FOXB2: variants seen among roughly 807,000 people sequenced by gnomAD.
The protein encoded by FOXB2 is forkhead box protein B2.
FOXB2 carries 1 observed loss-of-function variant against 0.9 expected under a neutral mutation model. That is an observed-to-expected ratio of 1.09 (90% CI 0.39 to 5.18). The LOEUF is 5.18. Ranked by LOEUF, FOXB2 falls within the 30% of genes most tolerant of loss-of-function variation. The probability of loss-of-function intolerance (pLI) is 0.16; values close to 1 mark genes in which losing one functional copy is unlikely to be tolerated. For synonymous variants in FOXB2, 322 were observed against 293.5 expected, an observed-to-expected ratio of 1.10 and a Z score of -0.99; for missense variants, 670 against 626.6, an observed-to-expected ratio of 1.07 and a Z score of -0.74.
Position 77,020,306 on chromosome 9 carries a change from C to A in FOXB2, c.652C>A (p.Gln218Lys). The stretch of plus-strand genomic sequence containing the variant: ...GCAGCCGTCTCACCCCGGCAAGATG[C>A]AGGAGGCGGCGGCCGTGGCGGCGGC... The part of the protein sequence containing the change: ...PQQPSHPGKM[Q>K]EAAAVAAAAA... The change falls in exon 1 of 1, where the codon CAG (glutamine) becomes AAG (lysine). Residue 218 changes from glutamine (Q) to lysine (K), a missense_variant. Gln to Lys is a moderately conservative substitution (Grantham distance 53). Coordinates refer to ENST00000376708, the MANE Select transcript of FOXB2 (RefSeq NM_001013735.1). The surrounding 1 kb of genome is among the most constrained non-coding windows in gnomAD (Gnocchi z 4.9). 2 of 1,282,898 alleles carry A rather than the reference C, an allele frequency of 1.6e-6. No individual in the cohort carries two copies. Among genetic ancestry groups the A allele is most frequent in the South Asian group, 2.3e-5 (1 of 44,374 alleles). 79.5% of individuals were successfully genotyped at this position (1,282,898 alleles called of 1,614,324 possible). A position where few individuals can be genotyped will look rare whatever the true frequency, so the allele number is the denominator to read the frequency against.
In FOXB2 at chr9:77,020,407, G is replaced by A. The variant is rs2063912304; in HGVS notation, c.753G>A (p.Ser251=). The A allele has an allele frequency of 5.7e-6, 9 of 1,584,280 alleles. No individual in the cohort carries two copies. The highest frequency in any genetic ancestry group is 1.7e-4 in the Middle Eastern group (1 of 5,868). Residue 251 remains serine (S), a synonymous_variant, in exon 1 of 1, where the codon TCG becomes TCA. Transcript: ENST00000376708. This position sits in a 1 kb window ranked among gnomAD's most constrained non-coding sequence, Gnocchi z 4.9. ...LSQFPPYGLG[S]AAAAAAAAAA... ...AGTTCCCACCCTACGGGCTGGGCTCGGCCGCCGCCGCTGCCGCCGCGGCCG... is the reference window on the plus strand; with the variant it reads ...AGTTCCCACCCTACGGGCTGGGCTCAGCCGCCGCCGCTGCCGCCGCGGCCG...
chr9:77,020,575 C>G lies in FOXB2; in HGVS notation c.921C>G (p.Gly307=). The G allele has an allele frequency of 6.2e-7, 1 of 1,610,092 alleles. No homozygotes were observed. Among genetic ancestry groups the G allele is most frequent in the Non-Finnish European group, 8.5e-7 (1 of 1,179,210 alleles). Residue 307 remains glycine, a synonymous_variant, in exon 1 of 1, where the codon GGC becomes GGG. Transcript: ENST00000376708. This position sits in a 1 kb window ranked among gnomAD's most constrained non-coding sequence, Gnocchi z 4.9. ...HLGYPVPGQL[G]NVVSSVWPHV... ...GCTACCCCGTGCCCGGCCAGCTTGG[C>G]AACGTCGTCAGCTCCGTGTGGCCGC...
In FOXB2 at chr9:77,020,224, G is replaced by A; in HGVS notation, c.570G>A (p.Pro190=). The A allele has an allele frequency of 1.7e-6, 2 of 1,186,588 alleles. No homozygotes were observed. The highest frequency in any genetic ancestry group is 2.5e-6 in the Non-Finnish European group (2 of 804,336). The allele number at this position is 1,186,588 out of a possible 1,614,324, so 73.5% of individuals were successfully genotyped here. ...AGCAACCGCCTACTGCTCCGCAGCC[G>A]CCTCCGCACCTCCCGTCACAGCCCC... The part of the protein sequence containing the change: ...FHQQPPTAPQ[P]PPHLPSQPPQ... Residue 190 remains proline (P), a synonymous_variant, in exon 1 of 1, where the codon CCG becomes CCA. Transcript: ENST00000376708. This position sits in a 1 kb window ranked among gnomAD's most constrained non-coding sequence, Gnocchi z 4.9.
Position 77,019,882 on chromosome 9 carries a change from G to T in FOXB2, c.228G>T (p.Arg76=), listed in dbSNP as rs2063908679. The T allele has an allele frequency of 6.2e-7, 1 of 1,613,806 alleles. No homozygotes were observed. Residue 76 remains arginine (R), a synonymous_variant, in exon 1 of 1, where the codon CGG becomes CGT. Transcript: ENST00000376708. The surrounding 1 kb of genome is among the most constrained non-coding windows in gnomAD (Gnocchi z 4.4). ...SFNDCFIKIP[R]RPDQPGKGSF... Reference sequence around the variant, plus strand: ...ACGACTGCTTCATCAAGATTCCGCGGAGGCCCGACCAGCCTGGCAAGGGTA... The same window carrying T: ...ACGACTGCTTCATCAAGATTCCGCGTAGGCCCGACCAGCCTGGCAAGGGTA...
chr9:77,019,672 G>T lies in FOXB2; in HGVS notation c.18G>T (p.Lys6Asn). 1 of 1,586,282 alleles carries T rather than the reference G, an allele frequency of 6.3e-7. No individual in the cohort carries two copies. Among genetic ancestry groups the T allele is most frequent in the South Asian group, 1.1e-5 (1 of 87,760 alleles). Residue 6 changes from lysine (K) to asparagine (N), a missense_variant, in exon 1 of 1, where the codon AAG (lysine) becomes AAT (asparagine). Lys to Asn is a moderately conservative substitution (Grantham distance 94). Coordinates refer to ENST00000376708, the MANE Select transcript of FOXB2 (RefSeq NM_001013735.1). This position sits in a 1 kb window ranked among gnomAD's most constrained non-coding sequence, Gnocchi z 4.4. MPRPGKSSYSDQKPPY... is the reference protein window; with the variant it reads MPRPGNSSYSDQKPPY... ...CGGGGGCGATGCCGCGGCCGGGGAA[G>T]AGCTCGTACAGCGACCAAAAACCGC...
chr9:77,020,892 C>CA lies in FOXB2; in HGVS notation c.1239dup (p.Ala414SerfsTer?). On this transcript the variant is annotated frameshift_variant, in exon 1 of 1. Coordinates refer to ENST00000376708, the MANE Select transcript of FOXB2 (RefSeq NM_001013735.1). LOFTEE classifies it high-confidence loss of function. The surrounding 1 kb of genome is among the most constrained non-coding windows in gnomAD (Gnocchi z 4.9). The stretch of plus-strand genomic sequence containing the variant: ...CCCGTTGCCTCTCTGCTGGAGCCCA[C>CA]AGCCCCTACCTCGGCCGAAAGCAAG... 5 of 1,563,124 alleles carry CA rather than the reference C, an allele frequency of 3.2e-6. No individual in the cohort carries two copies. Among genetic ancestry groups the CA allele is most frequent in the Non-Finnish European group, 4.3e-6 (5 of 1,161,790 alleles).
chr9:77,020,686 C>G lies in FOXB2; in HGVS notation c.1032C>G (p.Phe344Leu). Residue 344 changes from phenylalanine (F) to leucine (L), a missense_variant, in exon 1 of 1, where the codon TTC becomes TTG. Physicochemically the swap from Phe to Leu is conservative, Grantham distance 22 (BLOSUM62 0). Transcript: ENST00000376708. This position sits in a 1 kb window ranked among gnomAD's most constrained non-coding sequence, Gnocchi z 4.9. ...CTGTAGGCCCGGAGTATGGGGCCTT[C>G]GGGGTCCCGGTCAAGTCCCTGTGCC... ...GVPVGPEYGAFGVPVKSLCHS... is the reference protein window; with the variant it reads ...GVPVGPEYGALGVPVKSLCHS... 6.2e-7 allele frequency: 1 copy of G among 1,602,398 alleles called. No homozygotes were observed. Among genetic ancestry groups the G allele is most frequent in the East Asian group, 2.3e-5 (1 of 44,316 alleles).
chr9:77,020,551 C>A lies in FOXB2; in HGVS notation c.897C>A (p.Gly299=). ...TGGCGTCCGTCATGCACCACCTGGG[C>A]TACCCCGTGCCCGGCCAGCTTGGCA... The part of the protein sequence containing the change: ...LPLASVMHHL[G]YPVPGQLGNV... The change falls in exon 1 of 1, where the codon GGC becomes GGA. Residue 299 remains glycine, a synonymous_variant. Transcript: ENST00000376708. The surrounding 1 kb of genome is among the most constrained non-coding windows in gnomAD (Gnocchi z 4.9). 6.2e-7 allele frequency: 1 copy of A among 1,611,110 alleles called. No individual in the cohort carries two copies. The highest frequency in any genetic ancestry group is 8.5e-7 in the Non-Finnish European group (1 of 1,179,360).
rs1409704849 is a variant in FOXB2, at chr9:77,019,933, C to T, written c.279C>T (p.Cys93=). 2 of 1,613,502 alleles carry T rather than the reference C, an allele frequency of 1.2e-6. No individual in the cohort carries two copies. Among genetic ancestry groups the T allele is most frequent in the Admixed American group, 1.7e-5 (1 of 60,022 alleles). The change falls in exon 1 of 1, where the codon TGC becomes TGT. Residue 93 remains cysteine (C), a synonymous_variant. Coordinates refer to ENST00000376708, the MANE Select transcript of FOXB2 (RefSeq NM_001013735.1). This position sits in a 1 kb window ranked among gnomAD's most constrained non-coding sequence, Gnocchi z 4.4. ...KGSFWALHPD[C]GDMFENGSFL... is the part of the protein sequence containing the mutation. ...GCTTCTGGGCGCTGCACCCCGACTGCGGGGACATGTTCGAGAACGGCAGCT... is the reference window on the plus strand; with the variant it reads ...GCTTCTGGGCGCTGCACCCCGACTGTGGGGACATGTTCGAGAACGGCAGCT...
Position 77,019,943 on chromosome 9 carries a change from T to C in FOXB2, c.289T>C (p.Phe97Leu), listed in dbSNP as rs1564571465. Residue 97 changes from phenylalanine to leucine, a missense_variant, in exon 1 of 1, where the codon TTC becomes CTC. By Grantham distance (22) the Phe-to-Leu change is conservative. Transcript: ENST00000376708. This position sits in a 1 kb window ranked among gnomAD's most constrained non-coding sequence, Gnocchi z 4.4. ...GCTGCACCCCGACTGCGGGGACATG[T>C]TCGAGAACGGCAGCTTCCTGCGGCG... Reference protein sequence around the residue: ...WALHPDCGDMFENGSFLRRRK... With the variant: ...WALHPDCGDMLENGSFLRRRK... 2 of 1,613,310 alleles carry C rather than the reference T, an allele frequency of 1.2e-6. No homozygotes were observed. Among genetic ancestry groups the C allele is most frequent in the African/African-American group, 2.7e-5 (2 of 75,000 alleles).
chr9:77,019,696 G>T lies in FOXB2; in HGVS notation c.42G>T (p.Pro14=), dbSNP rs2063907700. 2 of 1,608,778 alleles carry T rather than the reference G, an allele frequency of 1.2e-6. No individual in the cohort carries two copies. Among genetic ancestry groups the T allele is most frequent in the South Asian group, 2.2e-5 (2 of 90,444 alleles). The part of the protein sequence containing the change: ...PGKSSYSDQK[P]PYSYISLTAM... ...AGAGCTCGTACAGCGACCAAAAACCGCCCTACTCTTACATCTCGCTGACCG... is the reference window on the plus strand; with the variant it reads ...AGAGCTCGTACAGCGACCAAAAACCTCCCTACTCTTACATCTCGCTGACCG... Residue 14 remains proline, a synonymous_variant, in exon 1 of 1, where the codon CCG becomes CCT. Transcript: ENST00000376708. This position sits in a 1 kb window ranked among gnomAD's most constrained non-coding sequence, Gnocchi z 4.4.
rs761676772 is a variant in FOXB2 at position 77,019,886 on chromosome 9, C to T, written c.232C>T (p.Pro78Ser). The part of the protein sequence containing the change: ...NDCFIKIPRR[P>S]DQPGKGSFWA... ...CTGCTTCATCAAGATTCCGCGGAGG[C>T]CCGACCAGCCTGGCAAGGGTAGCTT... Residue 78 changes from proline (P) to serine (S), a missense_variant, in exon 1 of 1, where the codon CCC becomes TCC. Transcript: ENST00000376708. The surrounding 1 kb of genome is among the most constrained non-coding windows in gnomAD (Gnocchi z 4.4). 6.2e-7 allele frequency: 1 copy of T among 1,613,934 alleles called. No individual in the cohort carries two copies. The highest frequency in any genetic ancestry group is 1.6e-4 in the Middle Eastern group (1 of 6,062).
In FOXB2 at chr9:77,020,635, GGCCGCCGCAGCCGCA is replaced by G. The variant is rs746036449; in HGVS notation, c.986_1000del (p.Ala329_Ala333del). The G allele has an allele frequency of 1.9e-5, 31 of 1,592,722 alleles. No individual in the cohort carries two copies. In the Admixed American group the frequency reaches 5.0e-4, roughly 26 times the overall value. ...TCATGGATTCGGTGGCCGCCGCCGCGGCCGCCGCAGCCGCAGCCGGAGTCCCTGTAGGCCCGGAGT... is the reference window on the plus strand; with the variant it reads ...TCATGGATTCGGTGGCCGCCGCCGCGGCCGGAGTCCCTGTAGGCCCGGAGT... On this transcript the variant is annotated inframe_deletion, in exon 1 of 1. Transcript: ENST00000376708. This position sits in a 1 kb window ranked among gnomAD's most constrained non-coding sequence, Gnocchi z 4.9.
chr9:77,020,912 A>G lies in FOXB2; in HGVS notation c.1258A>G (p.Ser420Gly), dbSNP rs1177799882. The change falls in exon 1 of 1, where the codon AGC becomes GGC. Residue 420 changes from serine (S) to glycine (G), a missense_variant. Transcript: ENST00000376708. This position sits in a 1 kb window ranked among gnomAD's most constrained non-coding sequence, Gnocchi z 4.9. Reference protein sequence around the residue: ...LEPTAPTSAESKGGSLHSVLV... With the variant: ...LEPTAPTSAEGKGGSLHSVLV... ...GCCCACAGCCCCTACCTCGGCCGAA[A>G]GCAAGGGCGGCTCCTTGCACTCGGT... 1.3e-6 allele frequency: 2 copies of G among 1,571,532 alleles called. No individual in the cohort carries two copies. The highest frequency in any genetic ancestry group is 2.3e-5 in the South Asian group (2 of 86,946).
Position 77,020,867 on chromosome 9 carries a change from C to A in FOXB2, c.1213C>A (p.Pro405Thr). 1 of 1,552,260 alleles carries A rather than the reference C, an allele frequency of 6.4e-7. No individual in the cohort carries two copies. Among genetic ancestry groups the A allele is most frequent in the Middle Eastern group, 1.7e-4 (1 of 5,962 alleles). The change falls in exon 1 of 1, where the codon CCC (proline) becomes ACC (threonine). Residue 405 changes from proline to threonine, a missense_variant. By Grantham distance (38) the Pro-to-Thr change is conservative. Transcript: ENST00000376708. The surrounding 1 kb of genome is among the most constrained non-coding windows in gnomAD (Gnocchi z 4.9). Reference protein sequence around the residue: ...STVCSAAAASPVASLLEPTAP... With the variant: ...STVCSAAAASTVASLLEPTAP... ...CGTGTGCTCCGCGGCCGCGGCCTCG[C>A]CCGTTGCCTCTCTGCTGGAGCCCAC...
In FOXB2 at chr9:77,020,529, C is replaced by T; in HGVS notation, c.875C>T (p.Ala292Val). 6.2e-7 allele frequency: 1 copy of T among 1,610,756 alleles called. No homozygotes were observed. The highest frequency in any genetic ancestry group is 8.5e-7 in the Non-Finnish European group (1 of 1,179,156). ...GVLQAGGLPL[A>V]SVMHHLGYPV... ...CTGCAGGCTGGAGGGCTGCCCTTGG[C>T]GTCCGTCATGCACCACCTGGGCTAC... Residue 292 changes from alanine (A) to valine (V), a missense_variant, in exon 1 of 1, where the codon GCG (alanine) becomes GTG (valine). Coordinates refer to ENST00000376708, the MANE Select transcript of FOXB2 (RefSeq NM_001013735.1). This position sits in a 1 kb window ranked among gnomAD's most constrained non-coding sequence, Gnocchi z 4.9.
Position 77,020,404 on chromosome 9 carries a change from C to T in FOXB2, c.750C>T (p.Gly250=). Residue 250 remains glycine (G), a synonymous_variant, in exon 1 of 1, where the codon GGC becomes GGT. Transcript: ENST00000376708. This position sits in a 1 kb window ranked among gnomAD's most constrained non-coding sequence, Gnocchi z 4.9. ...CTCAGTTCCCACCCTACGGGCTGGG[C>T]TCGGCCGCCGCCGCTGCCGCCGCGG... The part of the protein sequence containing the change: ...RLSQFPPYGL[G]SAAAAAAAAA... 1.3e-6 allele frequency: 2 copies of T among 1,547,812 alleles called. No individual in the cohort carries two copies. Among genetic ancestry groups the T allele is most frequent in the Non-Finnish European group, 1.7e-6 (2 of 1,147,544 alleles).
Position 77,019,753 on chromosome 9 carries a change from G to A in FOXB2, c.99G>A (p.Met33Ile), listed in dbSNP as rs1274454104. 6.2e-7 allele frequency: 1 copy of A among 1,614,118 alleles called. No homozygotes were observed. The highest frequency in any genetic ancestry group is 1.7e-5 in the Admixed American group (1 of 60,024). Residue 33 changes from methionine to isoleucine, a missense_variant, in exon 1 of 1, where the codon ATG becomes ATA. Met to Ile is a conservative substitution (Grantham distance 10). Transcript: ENST00000376708. The surrounding 1 kb of genome is among the most constrained non-coding windows in gnomAD (Gnocchi z 4.4). ...CAATCCAGCACTCGGCCGAGAAGATGCTGCCGCTGAGCGACATCTACAAGT... is the reference window on the plus strand; with the variant it reads ...CAATCCAGCACTCGGCCGAGAAGATACTGCCGCTGAGCGACATCTACAAGT... ...AMAIQHSAEK[M>I]LPLSDIYKFI...
Position 77,020,259 on chromosome 9 carries a change from C to A in FOXB2, c.605C>A (p.Pro202Gln), listed in dbSNP as rs778819173. ...PHLPSQPPQQ[P>Q]PQQSQPQQPS... ...CTCCCGTCACAGCCCCCGCAGCAAC[C>A]GCCCCAGCAGTCGCAGCCTCAGCAG... is the stretch of plus-strand genomic sequence containing the variant. The change falls in exon 1 of 1, where the codon CCG (proline) becomes CAG (glutamine). Residue 202 changes from proline (P) to glutamine (Q), a missense_variant. Coordinates refer to ENST00000376708, the MANE Select transcript of FOXB2 (RefSeq NM_001013735.1). The surrounding 1 kb of genome is among the most constrained non-coding windows in gnomAD (Gnocchi z 4.9). 5 of 1,317,314 alleles carry A rather than the reference C, an allele frequency of 3.8e-6. No individual in the cohort carries two copies. In the African/African-American group the frequency reaches 5.8e-5, roughly 15 times the overall value. The allele number at this position is 1,317,314 out of a possible 1,614,324, so 81.6% of individuals were successfully genotyped here. A position where few individuals can be genotyped will look rare whatever the true frequency, so the allele number is the denominator to read the frequency against.
Sources: gnomAD v4.1 joint callset for allele counts on GRCh38, gnomAD v4.1.1 for gene constraint, Gnocchi (gnomAD v3.1) non-coding constraint, MANE v1.5 for transcripts, NCBI Gene and HGNC (gene_info 2026-07-23, HGNC 2026-07-21) for gene names.